Variants in PER3 observed in about 807,000 individuals in gnomAD.
The protein encoded by PER3 is period circadian regulator 3.
Under a neutral mutation model 127.2 loss-of-function variants are expected in PER3, and 107 were observed. That is an observed-to-expected ratio of 0.84 (90% CI 0.72 to 0.99). The LOEUF is 0.99. Among genes scored for constraint, PER3 ranks in the 50% least tolerant of loss-of-function variants. The pLI is 0.00. For synonymous variants in PER3, 618 were observed against 585.8 expected, an observed-to-expected ratio of 1.05 and a Z score of -0.79; for missense variants, 1,560 against 1,525.8, an observed-to-expected ratio of 1.02 and a Z score of -0.37.
Position 7,785,480 on chromosome 1 carries a change from C to T in PER3, c.168C>T (p.Ile56=). The T allele has an allele frequency of 1.2e-6, 2 of 1,612,170 alleles. No homozygotes were observed. Among genetic ancestry groups the T allele is most frequent in the African/African-American group, 2.7e-5 (2 of 74,986 alleles). The change falls in exon 3 of 22, where the codon ATC becomes ATT. Residue 56 remains isoleucine, a synonymous_variant. Transcript: ENST00000377532. ...GAAACAGAGTTTCTGAAGAACTTAT[C>T]ATGGTTGTCCAAGAAATGAAAAAAT... The part of the protein sequence containing the change: ...QDRNRVSEEL[I]MVVQEMKKYF...
intron 4 of PER3, 165 bp from the exon 5 acceptor site, chr1:7,787,880 A>G: frequency 1.6e-6 from 1 of 615,774 alleles, no homozygotes; most frequent in Non-Finnish European, 2.9e-6. Context: ...AAGATTTAAG[A>G]AGCATGTTGG....
chr1:7,819,985 C>G, intron 14 of PER3, 130 bp from the exon 15 acceptor site: 1 of 869,570 alleles, frequency 1.1e-6, no homozygotes, highest in Non-Finnish European at 1.8e-6. Flanking sequence ...CTGGGATGGT[C>G]AGGGAAGACT....
In PER3 at chr1:7,794,006, C is replaced by T. The variant is rs201085150; in HGVS notation, c.642C>T (p.Ile214=). The stretch of plus-strand genomic sequence containing the variant: ...CGGTGAAACCTTTTTTCTGCAGGAT[C>T]CGGTAAGTATAGTGGCTCGTGGAAG... ...CAPVKPFFCR[I]RGGEDRKQEK... The change falls in exon 6 of 22, where the codon ATC becomes ATT. Residue 214 remains isoleucine, a splice_region_variant and synonymous_variant. Coordinates refer to ENST00000377532, the MANE Select transcript of PER3 (RefSeq NM_001377275.1). 1 of 1,613,064 alleles carries T rather than the reference C, an allele frequency of 6.2e-7. No individual in the cohort carries two copies. Among genetic ancestry groups the T allele is most frequent in the East Asian group, 2.2e-5 (1 of 44,888 alleles).
At chr1:7,803,915 G>T in intron 10 of PER3, 67 bp downstream of exon 10, 1 of 1,297,806 alleles carries the variant, frequency 7.7e-7, no homozygotes, top group South Asian at 1.3e-5. Flanking sequence ...TTAGCTTATT[G>T]ACTGCCCTCT....
chr1:7,793,712 A>G (rs980778727), intron 5 of PER3, among the ~76,000 whole-genome samples: 4 of 152,216 alleles, frequency 2.6e-5, no homozygotes, highest in Admixed American at 2.6e-4. Flanking sequence ...AGTAAGGGGA[A>G]GAGATAAAGC....
At chr1:7,828,700 G>A (rs1373713842) in intron 18 of PER3, among the ~76,000 whole-genome samples, 2 of 152,306 alleles carry the variant, frequency 1.3e-5, no homozygotes, top group African/African-American at 2.4e-5. Context: ...CACTAGTTAG[G>A]AAGATTCACT....
At chr1:7,836,528 A>AT in intron 20 of PER3, among the ~76,000 whole-genome samples, 1 of 152,332 alleles carries the variant, frequency 6.6e-6, no homozygotes, top group East Asian at 1.9e-4. Flanking sequence ...TGAATGTTTT[A>AT]TAAATTCCCT....
At chr1:7,794,107 C>G (rs186997011) in intron 6 of PER3, 99 bp downstream of exon 6, 1 of 958,724 alleles carries the variant, frequency 1.0e-6, no homozygotes, top group Non-Finnish European at 1.7e-6. Context: ...ACTTCTGTTG[C>G]GAGATACAAA....
chr1:7,807,096 T>G (rs1161599977), intron 10 of PER3, among the ~76,000 whole-genome samples: 2 of 152,100 alleles, frequency 1.3e-5, no homozygotes, highest in Non-Finnish European at 2.9e-5. Flanking sequence ...GACACTGTTC[T>G]AGGTACTGAA....
At chr1:7,790,659 G>A (rs1464051555) in intron 5 of PER3, among the ~76,000 whole-genome samples, 3 of 152,136 alleles carry the variant, frequency 2.0e-5, no homozygotes, top group Non-Finnish European at 4.4e-5. Flanking sequence ...AAAAGTCCAA[G>A]TCCAAAGTCT....
rs1445022161 is a variant in PER3 at position 7,838,172 on chromosome 1, T to C, written c.3549+1023T>C. ...AAGACAATGAAATCCTACTACCCCCTCTTTTTAAAAACTAACATTTTTATT... is the reference window on the plus strand; with the variant it reads ...AAGACAATGAAATCCTACTACCCCCCCTTTTTAAAAACTAACATTTTTATT... On this transcript the variant is annotated intron_variant, in intron 21 of 21. Coordinates refer to ENST00000377532, the MANE Select transcript of PER3 (RefSeq NM_001377275.1). Among the ~76,000 whole-genome samples, 4 of 152,150 alleles carry C rather than the reference T, an allele frequency of 2.6e-5. No homozygotes were observed. The East Asian group carries it at 5.8e-4, about 22-fold the overall frequency.
Position 7,785,293 on chromosome 1 carries a change from C to T in PER3, c.129-148C>T, listed in dbSNP as rs2097081587. 7.5e-6 allele frequency: 5 copies of T among 662,726 alleles called. No individual in the cohort carries two copies. In the East Asian group the frequency reaches 1.4e-4, roughly 18 times the overall value. The allele number at this position is 662,726 out of a possible 1,614,324, so 41.1% of individuals were successfully genotyped here. A position where few individuals can be genotyped will look rare whatever the true frequency, so the allele number is the denominator to read the frequency against. On this transcript the variant is annotated intron_variant, in intron 2 of 21. Coordinates refer to ENST00000377532, the MANE Select transcript of PER3 (RefSeq NM_001377275.1). Reference sequence around the variant, plus strand: ...TTCACCAGTTGCTTTGCCTCGAGTTCCCCACCTAGAGGAAGAGGGGTCACC... The same window carrying T: ...TTCACCAGTTGCTTTGCCTCGAGTTTCCCACCTAGAGGAAGAGGGGTCACC...
rs766564077 is a variant in PER3, at chr1:7,788,013, A to T, written c.391-32A>T. Reference sequence around the variant, plus strand: ...GGGAATATTGCTAGTGAGTATCTCAATATTTGCATTTATTTTAAATGTTTT... The same window carrying T: ...GGGAATATTGCTAGTGAGTATCTCATTATTTGCATTTATTTTAAATGTTTT... On this transcript the variant is annotated intron_variant, in intron 4 of 21. Transcript: ENST00000377532. 4 of 1,478,538 alleles carry T rather than the reference A, an allele frequency of 2.7e-6. No homozygotes were observed. The African/African-American group carries it at 5.5e-5, about 20-fold the overall frequency. 91.6% of individuals were successfully genotyped at this position (1,478,538 alleles called of 1,614,324 possible).
At chr1:7,797,705 T>C (rs1047326441) in intron 6 of PER3, among the ~76,000 whole-genome samples, 1 of 151,856 alleles carries the variant, frequency 6.6e-6, no homozygotes, top group Non-Finnish European at 1.5e-5. Flanking sequence ...CTGGCAGTAC[T>C]AAAGAGCCCC....
chr1:7,835,857 A>G lies in PER3; in HGVS notation c.3310A>G (p.Thr1104Ala), dbSNP rs770054568. Residue 1104 changes from threonine to alanine, a missense_variant, in exon 20 of 22, where the codon ACA (threonine) becomes GCA (alanine). Physicochemically the swap from Thr to Ala is moderately conservative, Grantham distance 58. Transcript: ENST00000377532. ...ATCTCAGGACGTACAGAAAAAAGAA[A>G]CATTTCCTAATGTCGCCGAAGAGCC... ...QQSQDVQKKE[T>A]FPNVAEEPIW... is the part of the protein sequence containing the mutation. 18 of 1,612,468 alleles carry G rather than the reference A, an allele frequency of 1.1e-5. No homozygotes were observed. The African/African-American group carries it at 2.4e-4, about 22-fold the overall frequency.
At chr1:7,828,263 A>G (rs1046573706) in intron 18 of PER3, among the ~76,000 whole-genome samples, 2 of 152,232 alleles carry the variant, frequency 1.3e-5, no homozygotes, top group Non-Finnish European at 2.9e-5. Flanking sequence ...ACAGGTGTGT[A>G]TGAAGAGGTA....
chr1:7,815,909 C>T (rs1189804276), intron 13 of PER3, among the ~76,000 whole-genome samples: 1 of 140,022 alleles, frequency 7.1e-6, no homozygotes, highest in Non-Finnish European at 1.5e-5. Context: ...AGGAGAATTG[C>T]GTGAACCCAG....
chr1:7,795,588 G>T (rs966229652), intron 6 of PER3, among the ~76,000 whole-genome samples: 3 of 152,216 alleles, frequency 2.0e-5, no homozygotes, highest in Non-Finnish European at 2.9e-5. Flanking sequence ...CAGAGGCCCT[G>T]GGGTGGGCCA....
intron 3 of PER3, 127 bp downstream of exon 3, chr1:7,785,713 T>TTCGGC: frequency 1.4e-6 from 1 of 705,882 alleles, no homozygotes; most frequent in Non-Finnish European, 2.4e-6. Flanking sequence ...TTGTGGAAGA[T>TTCGGC]GAGCAAATCT....
Sources: allele counts gnomAD v4.1 joint callset (sites outside exome capture counted in the v4.1 genomes callset), GRCh38; gene constraint gnomAD v4.1.1; transcripts MANE v1.5; gene names NCBI Gene and HGNC (gene_info 2026-07-23, HGNC 2026-07-21).